The following ILDR2 variants were observed in gnomAD, a reference collection of about 807,000 sequenced individuals.
ILDR2 encodes immunoglobulin-like domain-containing receptor 2.
ILDR2 carries 25 observed loss-of-function variants against 66.8 expected under a neutral mutation model. The ratio of observed to expected loss-of-function variants is 0.37; its 90% CI spans 0.27 to 0.52. ILDR2 has a LOEUF of 0.52. Ranked by LOEUF, ILDR2 falls within the 20% of genes least tolerant of loss-of-function variation. The pLI, the probability that ILDR2 is intolerant of heterozygous loss-of-function variation, is 0.88. For synonymous variants in ILDR2, 367 were observed against 357.2 expected (o/e 1.03, Z -0.31); for missense variants, 827 against 876.8 (o/e 0.94, Z 0.72).
intron 3 of ILDR2, among the ~76,000 whole-genome samples, chr1:166,953,287 C>T (rs1351321042): frequency 6.6e-6 from 1 of 152,148 alleles, no homozygotes; most frequent in Non-Finnish European, 1.5e-5. Context: ...AAGATTTCTT[C>T]ACTGGTTCTC....
At chr1:166,928,274 C>T (rs1660423104) in intron 6 of ILDR2, among the ~76,000 whole-genome samples, 1 of 152,290 alleles carries the variant, frequency 6.6e-6, no homozygotes, top group East Asian at 1.9e-4. Flanking sequence ...AGAGGGGTTT[C>T]ATAACTTGCC....
intron 2 of ILDR2, among the ~76,000 whole-genome samples, chr1:166,896,900 G>C (rs896854169): frequency 6.6e-6 from 1 of 152,154 alleles, no homozygotes; most frequent in African/African-American, 2.4e-5. Flanking sequence ...CTCCCAAAGT[G>C]CTGGGATTAC....
intron 7 of ILDR2, among the ~76,000 whole-genome samples, chr1:166,924,888 T>G (rs1282283404): frequency 6.6e-6 from 1 of 152,072 alleles, no homozygotes; most frequent in Non-Finnish European, 1.5e-5. Flanking sequence ...TGGTGGCACA[T>G]GCCTGTGGTC....
intron 1 of ILDR2, among the ~76,000 whole-genome samples, chr1:166,964,146 A>AT (rs566090240): frequency 2.7e-3 from 405 of 152,094 alleles, no homozygotes; most frequent in African/African-American, 9.4e-3. Context: ...AAATAAAAAA[A>AT]AAAAAAAATT....
intron 2 of ILDR2, among the ~76,000 whole-genome samples, chr1:166,898,042 C>T (rs1659202597): frequency 6.6e-6 from 1 of 152,136 alleles, no homozygotes; most frequent in South Asian, 2.1e-4. Context: ...TTCTGGGTAG[C>T]TAGCATCAGG....
Position 166,921,481 on chromosome 1 carries a change from A to C in ILDR2, c.1212-102T>G. On this transcript the variant is annotated intron_variant, in intron 8 of 9. Transcript: ENST00000271417. The surrounding 1 kb of genome is among the most constrained non-coding windows in gnomAD (Gnocchi z 5.3). Reference sequence around the variant, plus strand: ...CGTGTCCTGGGGCCACGCTCAGGAGACCTCGGCCTGAGCCTCAGCTCCGCT... The same window carrying C: ...CGTGTCCTGGGGCCACGCTCAGGAGCCCTCGGCCTGAGCCTCAGCTCCGCT... The C allele has an allele frequency of 1.0e-6, 1 of 980,740 alleles. No individual in the cohort carries two copies. The allele number at this position is 980,740 out of a possible 1,614,324, so 60.8% of individuals were successfully genotyped here.
chr1:166,954,636 G>A (rs1662168105), intron 3 of ILDR2, among the ~76,000 whole-genome samples: 1 of 152,124 alleles, frequency 6.6e-6, no homozygotes, highest in Non-Finnish European at 1.5e-5. Flanking sequence ...TTGCAGCCTT[G>A]GTAAGTTTTC....
In ILDR2 at chr1:166,914,116, C is replaced by CAA. The variant is rs11443216; in HGVS notation, c.*5237_*5238dup. 1.1e-3 allele frequency: 155 copies of CAA among 135,672 alleles called. No individual in the cohort carries two copies. Among genetic ancestry groups the CAA allele is most frequent in the Middle Eastern group, 3.8e-3 (1 of 264 alleles). The allele number at this position is 135,672 out of a possible 1,614,324, so 8.4% of individuals were successfully genotyped here. Reference sequence around the variant, plus strand: ...TGGGCCACAGAGCAAGACCCTGTCTCAAAAAAAAAAAAAAGAAAGAAAAAG... The same window carrying CAA: ...TGGGCCACAGAGCAAGACCCTGTCTCAAAAAAAAAAAAAAAAGAAAGAAAAAG... On this transcript the variant is annotated 3_prime_UTR_variant, in exon 10 of 10. Transcript: ENST00000271417.
intron 8 of ILDR2, 43 bp downstream of exon 8, chr1:166,922,550 C>T: frequency 1.9e-6 from 3 of 1,544,342 alleles, no homozygotes; most frequent in Non-Finnish European, 2.7e-6. Context: ...CTTCCAGCTC[C>T]TGCCCCCTCA....
chr1:166,953,820 T>A (rs2101968339), intron 3 of ILDR2, among the ~76,000 whole-genome samples: 1 of 152,342 alleles, frequency 6.6e-6, no homozygotes, highest in South Asian at 2.1e-4. Flanking sequence ...AGCTCAAAAG[T>A]AACTTAACTG....
At position 166,930,258 on chromosome 1, in the gene ILDR2, C is replaced by T. The variant is rs191178469; in HGVS notation, c.881-3078G>A. Among the ~76,000 whole-genome samples, 251 of 152,204 alleles carry T rather than the reference C, an allele frequency of 1.6e-3. 1 individual carries two copies. The highest frequency in any genetic ancestry group is 3.0e-3 in the Non-Finnish European group (205 of 68,006). ...TTGTGTATGCATAGGTTATCATGTC[C>T]CTGAAAAGTTACAGTAACCATTTAT... On this transcript the variant is annotated intron_variant, in intron 6 of 9. Transcript: ENST00000271417.
chr1:166,965,570 G>GTTTTTTTTTTTTTTTTTTTTTT lies in ILDR2; in HGVS notation c.47-7470_47-7469insAAAAAAAAAAAAAAAAAAAAAA, dbSNP rs535388259. ...TTTGCCTGCCTTCAAGTTAGGTTTT[G>GTTTTTTTTTTTTTTTTTTTTTT]TTTTTTTTTTTGTTTTTTTTTTGAC... On this transcript the variant is annotated intron_variant, in intron 1 of 9. Transcript: ENST00000271417. Among the ~76,000 whole-genome samples, 3 of 127,404 alleles carry GTTTTTTTTTTTTTTTTTTTTTT rather than the reference G, an allele frequency of 2.4e-5. 1 individual carries two copies. Among genetic ancestry groups the GTTTTTTTTTTTTTTTTTTTTTT allele is most frequent in the Non-Finnish European group, 1.6e-5 (1 of 61,672 alleles). The allele number at this position is 127,404 out of a possible 152,430, so 83.6% of individuals were successfully genotyped here. A position where few individuals can be genotyped will look rare whatever the true frequency, so the allele number is the denominator to read the frequency against.
chr1:166,927,782 A>C (rs1660390751), intron 6 of ILDR2, among the ~76,000 whole-genome samples: 1 of 152,232 alleles, frequency 6.6e-6, no homozygotes, highest in Non-Finnish European at 1.5e-5. Flanking sequence ...GTGGATTTTT[A>C]ATTATGGTTC....
In ILDR2 at chr1:166,936,621, A is replaced by T. The variant is rs914157963; in HGVS notation, c.673T>A (p.Cys225Ser). The change falls in exon 5 of 10, where the codon TGC becomes AGC. Residue 225 changes from cysteine (C) to serine (S), a missense_variant. By Grantham distance (112) the Cys-to-Ser change is moderately radical. This residue lies in a region of ILDR2 where 437 missense variants were observed against 523.2 expected (regional missense o/e 0.84). Coordinates refer to ENST00000271417, the MANE Select transcript of ILDR2 (RefSeq NM_199351.3). The surrounding 1 kb of genome is among the most constrained non-coding windows in gnomAD (Gnocchi z 5.0). Reference protein sequence around the residue: ...SCCCYVRCPCCPDSCCCPQAL... With the variant: ...SCCCYVRCPCSPDSCCCPQAL... ...TGAGGGCAGCAGCAGGAATCTGGGC[A>T]GCATGGGCAGCGGACATAGCAGCAG... 6 of 1,613,944 alleles carry T rather than the reference A, an allele frequency of 3.7e-6. No homozygotes were observed. Among genetic ancestry groups the T allele is most frequent in the Admixed American group, 1.7e-5 (1 of 60,008 alleles).
intron 7 of ILDR2, among the ~76,000 whole-genome samples, chr1:166,926,619 T>G (rs1660311966): frequency 6.6e-6 from 1 of 151,666 alleles, no homozygotes; most frequent in Admixed American, 6.6e-5. Flanking sequence ...TTCCACATCT[T>G]AAGACATTAC....
At chr1:166,939,369 A>G in intron 4 of ILDR2, 145 bp downstream of exon 4, 1 of 664,150 alleles carries the variant, frequency 1.5e-6, no homozygotes, top group Non-Finnish European at 2.7e-6. Context: ...AAGCCCTTCC[A>G]ATGGGTTTAG....
chr1:166,973,008 T>C (rs889147676), intron 1 of ILDR2, among the ~76,000 whole-genome samples: 1 of 152,150 alleles, frequency 6.6e-6, no homozygotes, highest in Non-Finnish European at 1.5e-5. Context: ...GCTCCTCTAC[T>C]TTGCTGAGGC....
At position 166,909,781 on chromosome 1, in the gene ILDR2, T is replaced by TTATATATA. The variant is rs59835931; in HGVS notation, c.*9566_*9573dup. ...TATAAATATATATAAATATATATAT[T>TTATATATA]TATATATATATATATATATATATAT... On this transcript the variant is annotated 3_prime_UTR_variant, in exon 10 of 10. Transcript: ENST00000271417. 9.3e-5 allele frequency: 6 copies of TTATATATA among 64,246 alleles called. No homozygotes were observed. The South Asian group carries it at 1.8e-3, about 19-fold the overall frequency. The allele number at this position is 64,246 out of a possible 1,614,324, so 4.0% of individuals were successfully genotyped here.
chr1:166,963,163 C>T (rs568732676), intron 1 of ILDR2, among the ~76,000 whole-genome samples: 3 of 152,126 alleles, frequency 2.0e-5, no homozygotes, highest in Non-Finnish European at 4.4e-5. Context: ...TTCAGTTGGT[C>T]GCTAAGTCTA....
Sources: gnomAD v4.1 joint callset for allele counts (sites outside exome capture counted in the v4.1 genomes callset) on GRCh38, gnomAD v4.1.1 for gene constraint, gnomAD v4.1.1 regional missense constraint, Gnocchi (gnomAD v3.1) non-coding constraint, MANE v1.5 for transcripts, NCBI Gene and HGNC (gene_info 2026-07-23, HGNC 2026-07-21) for gene names.